The following CBFA2T2 variants were observed in gnomAD, a reference collection of about 807,000 sequenced individuals.
CBFA2T2 encodes the protein CBFA2/RUNX1 partner transcriptional co-repressor 2, also known as protein CBFA2T2.
A neutral mutation model predicts 62.2 loss-of-function variants in CBFA2T2; 11 were observed. The ratio of observed to expected loss-of-function variants is 0.18; its 90% confidence interval spans 0.11 to 0.29. CBFA2T2 has a LOEUF of 0.29. Among genes scored for constraint, CBFA2T2 ranks in the 10% least tolerant of loss-of-function variants. CBFA2T2 has a pLI of 1.00. For missense variants in CBFA2T2, 592 were observed against 774.1 expected, an observed-to-expected ratio of 0.76 and a Z score of 2.79; for synonymous variants, 295 against 287.5, an observed-to-expected ratio of 1.03 and a Z score of -0.27.
chr20:33,569,785 A>G (rs1199642319), intron 1 of CBFA2T2, among the ~76,000 whole-genome samples: 1 of 152,210 alleles, frequency 6.6e-6, no homozygotes, highest in East Asian at 1.9e-4. Flanking sequence ...TAACAATTTC[A>G]ATGTTTTAAG....
In CBFA2T2 at chr20:33,558,947, A is replaced by G. The variant is rs2013002359; in HGVS notation, c.35-48009A>G. Among the ~76,000 whole-genome samples the G allele has an allele frequency of 8.6e-5, 13 of 151,816 alleles. No homozygotes were observed. The South Asian group carries it at 2.5e-3, about 29-fold the overall frequency. ...TTAGCCTATCATCGAAATAATGAAC[A>G]TTGAACCCAACACTTTTCTCCAACT... On this transcript the variant is annotated intron_variant, in intron 1 of 10. Coordinates refer to ENST00000342704, the MANE Select transcript of CBFA2T2 (RefSeq NM_001032999.3).
intron 1 of CBFA2T2, among the ~76,000 whole-genome samples, chr20:33,556,787 T>C (rs1403682459): frequency 4.6e-5 from 7 of 152,140 alleles, no homozygotes; most frequent in Non-Finnish European, 1.0e-4. Flanking sequence ...ATTGGCATTC[T>C]AATGAAGGAA....
chr20:33,636,125 G>A (rs751118822), intron 8 of CBFA2T2, among the ~76,000 whole-genome samples: 4 of 151,738 alleles, frequency 2.6e-5, no homozygotes, highest in African/African-American at 7.3e-5. Context: ...GCAGGGTGGC[G>A]CACACCTGTA....
At chr20:33,518,214 T>C (rs1168250737) in intron 1 of CBFA2T2, among the ~76,000 whole-genome samples, 1 of 152,196 alleles carries the variant, frequency 6.6e-6, no homozygotes, top group African/African-American at 2.4e-5. Flanking sequence ...CCCGAAGTGC[T>C]GGGATTACAG....
chr20:33,537,363 T>C (rs2012291066), intron 1 of CBFA2T2, among the ~76,000 whole-genome samples: 1 of 152,212 alleles, frequency 6.6e-6, no homozygotes, highest in Admixed American at 6.5e-5. Context: ...AGCGCGCGCC[T>C]GCAATCGCAG....
At chr20:33,500,061 C>T (rs993438696) in intron 1 of CBFA2T2, among the ~76,000 whole-genome samples, 2 of 152,036 alleles carry the variant, frequency 1.3e-5, no homozygotes, top group African/African-American at 4.8e-5. Context: ...GAGGTTCAAG[C>T]AGTTCTGTGC....
chr20:33,614,638 A>G (rs1314146108), intron 3 of CBFA2T2, among the ~76,000 whole-genome samples: 1 of 152,166 alleles, frequency 6.6e-6, no homozygotes, highest in African/African-American at 2.4e-5. Context: ...TAGGTACCTC[A>G]TACAAGTAGA....
intron 4 of CBFA2T2, among the ~76,000 whole-genome samples, chr20:33,620,723 G>A (rs1476365310): frequency 6.6e-6 from 1 of 151,672 alleles, no homozygotes; most frequent in African/African-American, 2.4e-5. Context: ...AGCTACTCAC[G>A]AGGCTGAGGC....
chr20:33,501,497 AG>A (rs1163048803), intron 1 of CBFA2T2, among the ~76,000 whole-genome samples: 1 of 152,112 alleles, frequency 6.6e-6, no homozygotes, highest in African/African-American at 2.4e-5. Flanking sequence ...CAGAATGGTG[AG>A]GGAGAAGTGC....
intron 1 of CBFA2T2, among the ~76,000 whole-genome samples, chr20:33,493,943 G>T (rs1453412129): frequency 6.6e-6 from 1 of 151,592 alleles, no homozygotes; most frequent in African/African-American, 2.4e-5. Flanking sequence ...GAGTGCAGTG[G>T]TGCGATCTCG....
intron 1 of CBFA2T2, among the ~76,000 whole-genome samples, chr20:33,509,971 G>A (rs750964068): frequency 1.5e-4 from 22 of 151,624 alleles, no homozygotes; most frequent in Non-Finnish European, 2.9e-4. Flanking sequence ...CCTGCCCCCT[G>A]CCCCCCACCC....
chr20:33,510,241 C>T (rs576235500), intron 1 of CBFA2T2, among the ~76,000 whole-genome samples: 54 of 149,300 alleles, frequency 3.6e-4, no homozygotes, highest in Middle Eastern at 3.4e-3. Flanking sequence ...GACAGAGTCT[C>T]GCTCTGTCGC....
At chr20:33,501,290 C>T (rs571542958) in intron 1 of CBFA2T2, among the ~76,000 whole-genome samples, 1 of 152,292 alleles carries the variant, frequency 6.6e-6, no homozygotes, top group Non-Finnish European at 1.5e-5. Flanking sequence ...CTTTTCCTCT[C>T]TTACAAATGT....
chr20:33,507,590 C>T (rs2011425928), intron 1 of CBFA2T2, among the ~76,000 whole-genome samples: 1 of 152,194 alleles, frequency 6.6e-6, no homozygotes, highest in Non-Finnish European at 1.5e-5. Context: ...CTGGAAGCAG[C>T]TAGCATTACC....
intron 1 of CBFA2T2, among the ~76,000 whole-genome samples, chr20:33,584,716 G>A (rs996705795): frequency 3.9e-5 from 6 of 152,110 alleles, no homozygotes; most frequent in East Asian, 1.9e-4. Flanking sequence ...TTGTAAAATG[G>A]TGTGCAGTTT....
Position 33,619,497 on chromosome 20 carries a change from A to G in CBFA2T2, c.421-20A>G. The G allele has an allele frequency of 6.7e-7, 1 of 1,489,952 alleles. No homozygotes were observed. The highest frequency in any genetic ancestry group is 9.1e-7 in the Non-Finnish European group (1 of 1,103,836). 92.3% of individuals were successfully genotyped at this position (1,489,952 alleles called of 1,614,324 possible). On this transcript the variant is annotated intron_variant, in intron 3 of 10. Transcript: ENST00000342704. The stretch of plus-strand genomic sequence containing the variant: ...GGAAGTCCAGTTTTGGAAGTTGAAC[A>G]AGGTTATTTATCTTTTCAGAACTCA...
In CBFA2T2 at chr20:33,497,274, CAAAAAAAAAAA is replaced by C. The variant is rs34528525; in HGVS notation, c.34+6987_34+6997del. 1.9e-3 allele frequency among the ~76,000 whole-genome samples: 108 copies of C among 58,088 alleles called. 2 individuals carry two copies. Among genetic ancestry groups the C allele is most frequent in the African/African-American group, 6.9e-3 (102 of 14,888 alleles). The allele number at this position is 58,088 out of a possible 152,430, so 38.1% of individuals were successfully genotyped here. ...GGTGACAAGAGCGAAACCCTGTCTC[CAAAAAAAAAAA>C]AAAAAAAAAAAAAGAATGTGGTCCT... On this transcript the variant is annotated intron_variant, in intron 1 of 10. Transcript: ENST00000342704.
intron 10 of CBFA2T2, among the ~76,000 whole-genome samples, chr20:33,642,138 G>GTA (rs2122397013): frequency 6.7e-6 from 1 of 149,288 alleles, no homozygotes; most frequent in Admixed American, 6.7e-5. Flanking sequence ...GTGTGTGTGT[G>GTA]TGTGTGTGTG....
chr20:33,621,287 CTTTTTTT>C (rs199805350), intron 4 of CBFA2T2, among the ~76,000 whole-genome samples: 103 of 85,242 alleles, frequency 1.2e-3, no homozygotes, highest in South Asian at 6.9e-3. Flanking sequence ...ATTTTACTGC[CTTTTTTT>C]TTTTTTTTTT....
Sources: allele counts gnomAD v4.1 joint callset (sites outside exome capture counted in the v4.1 genomes callset), GRCh38; gene constraint gnomAD v4.1.1; transcripts MANE v1.5; gene names NCBI Gene and HGNC (gene_info 2026-07-23, HGNC 2026-07-21).